Variants in CCDC13 observed in about 807,000 individuals in gnomAD.
CCDC13 encodes the protein coiled-coil domain-containing protein 13.
A neutral mutation model predicts 87.3 loss-of-function variants in CCDC13; 70 were observed. The observed-to-expected ratio is 0.80, with a 90% CI of 0.66 to 0.98. The LOEUF (loss-of-function observed/expected upper bound fraction) is 0.98. CCDC13 is among the 50% of genes least tolerant of loss of function. The probability of loss-of-function intolerance (pLI) is 0.00; values close to 1 mark genes in which losing one functional copy is unlikely to be tolerated. For missense variants in CCDC13, 842 were observed against 892.0 expected, an observed-to-expected ratio of 0.94 and a Z score of 0.71; for synonymous variants, 317 against 360.3, an observed-to-expected ratio of 0.88 and a Z score of 1.36.
rs186586657 is a variant in CCDC13 at position 42,708,509 on chromosome 3, G to A, written c.*471C>T. ...CCCCAAGTCTGTGTAGGGTGTGGAC[G>A]GCTACAGATGGAGCCGGGATGGGGG... On this transcript the variant is annotated 3_prime_UTR_variant, in exon 16 of 16. Transcript: ENST00000310232. 1.9e-5 allele frequency: 3 copies of A among 154,042 alleles called. No homozygotes were observed. Among genetic ancestry groups the A allele is most frequent in the Non-Finnish European group, 2.9e-5 (2 of 69,360 alleles). The allele number at this position is 154,042 out of a possible 1,614,324, so 9.5% of individuals were successfully genotyped here. A position where few individuals can be genotyped will look rare whatever the true frequency, so the allele number is the denominator to read the frequency against.
chr3:42,755,645 A>T (rs1699687371), intron 3 of CCDC13, among the ~76,000 whole-genome samples: 1 of 152,188 alleles, frequency 6.6e-6, no homozygotes, highest in Non-Finnish European at 1.5e-5. Flanking sequence ...GGCTTGTCAG[A>T]TTTTCTCTCC....
At position 42,758,232 on chromosome 3, in the gene CCDC13, C is replaced by T. The variant is rs1337041698; in HGVS notation, c.114G>A (p.Leu38=). ...GGTCGTCAGCTCTGCTTTTGAGGCT[C>T]AGTTCTTTTTCCCTCTTTTTCTCCA... ...KQMEKKREKE[L]SLKSRADDQE... The change falls in exon 2 of 16, where the codon CTG becomes CTA. Residue 38 remains leucine, a synonymous_variant. Coordinates refer to ENST00000310232, the MANE Select transcript of CCDC13 (RefSeq NM_144719.4). 5 of 1,614,018 alleles carry T rather than the reference C, an allele frequency of 3.1e-6. No individual in the cohort carries two copies. The highest frequency in any genetic ancestry group is 1.3e-5 in the African/African-American group (1 of 75,058).
chr3:42,744,724 G>A (rs1699340683), intron 7 of CCDC13, among the ~76,000 whole-genome samples: 1 of 141,972 alleles, frequency 7.0e-6, no homozygotes. Context: ...AGAATGGCGT[G>A]AACCCGGGAG....
intron 7 of CCDC13, 125 bp from the exon 8 acceptor site, chr3:42,743,182 ATC>A: frequency 1.9e-6 from 2 of 1,049,610 alleles, no homozygotes; most frequent in Non-Finnish European, 2.8e-6. Context: ...TGGTAGCCCC[ATC>A]TGAGGAGGAC....
chr3:42,752,006 C>T lies in CCDC13; in HGVS notation c.533G>A (p.Arg178Lys). 6.2e-7 allele frequency: 1 copy of T among 1,607,698 alleles called. No homozygotes were observed. Among genetic ancestry groups the T allele is most frequent in the South Asian group, 1.1e-5 (1 of 91,090 alleles). ...GTCGGTGGCCCCCTTGGCTGACAGC[C>T]TGGTCAGGGCTGTCTGCAGCTGAAA... Reference protein sequence around the residue: ...LERELQTALTRLSAKGATDAG... With the variant: ...LERELQTALTKLSAKGATDAG... Residue 178 changes from arginine to lysine, a missense_variant, in exon 5 of 16, where the codon AGG (arginine) becomes AAG (lysine). Physicochemically the swap from Arg to Lys is conservative, Grantham distance 26 (BLOSUM62 2). Coordinates refer to ENST00000310232, the MANE Select transcript of CCDC13 (RefSeq NM_144719.4).
chr3:42,762,227 T>G (rs1289934966), intron 1 of CCDC13, among the ~76,000 whole-genome samples: 2 of 152,232 alleles, frequency 1.3e-5, no homozygotes, highest in African/African-American at 4.8e-5. Context: ...GGTGTTATGT[T>G]GAAATTCCTT....
At chr3:42,750,081 C>T (rs1422382679) in intron 5 of CCDC13, 4 of 372,020 alleles carry the variant, frequency 1.1e-5, no homozygotes, top group South Asian at 1.9e-5. Context: ...CTGGAACCTC[C>T]CAGGCTCCCT....
At chr3:42,769,589 C>T (rs900561313) in intron 1 of CCDC13, among the ~76,000 whole-genome samples, 4 of 152,288 alleles carry the variant, frequency 2.6e-5, no homozygotes, top group South Asian at 2.1e-4. Context: ...GGCACCTCCT[C>T]GGCCTTGGCG....
intron 1 of CCDC13, among the ~76,000 whole-genome samples, chr3:42,772,024 A>G (rs7620291): frequency 0.95 from 145,151 of 152,028 alleles, 69,672 homozygotes; most frequent in East Asian, 1. Context: ...GTAATCCCAA[A>G]ACTTTGGGAG....
chr3:42,722,295 G>A (rs28858178), intron 13 of CCDC13, among the ~76,000 whole-genome samples: 1,702 of 152,198 alleles, frequency 0.011, 37 homozygotes, highest in African/African-American at 0.039. Context: ...ATGGATCTTC[G>A]TCCCTCTGCA....
At chr3:42,733,329 G>C in intron 11 of CCDC13, 141 bp downstream of exon 11, 1 of 1,038,174 alleles carries the variant, frequency 9.6e-7, no homozygotes, top group Non-Finnish European at 1.5e-6. Flanking sequence ...TGTCATAGGA[G>C]AGGCCCACGT....
At position 42,709,018 on chromosome 3, in the gene CCDC13, G is replaced by A; in HGVS notation, c.2110C>T (p.Leu704=). ...EILGQVKSVF[L]QALRQQKTGK... ...GTCTTCTGCTGCCGCAGGGCCTGCAGGAAGACACTTTTCACCTGGCCCAGG... is the reference window on the plus strand; with the variant it reads ...GTCTTCTGCTGCCGCAGGGCCTGCAAGAAGACACTTTTCACCTGGCCCAGG... Residue 704 remains leucine (L), a synonymous_variant, in exon 16 of 16, where the codon CTG becomes TTG. Coordinates refer to ENST00000310232, the MANE Select transcript of CCDC13 (RefSeq NM_144719.4). 6.2e-7 allele frequency: 1 copy of A among 1,613,832 alleles called. No homozygotes were observed.
chr3:42,710,111 T>TC (rs1359217808), intron 14 of CCDC13, among the ~76,000 whole-genome samples: 1 of 151,010 alleles, frequency 6.6e-6, no homozygotes, highest in African/African-American at 2.4e-5. Context: ...TCTTTTTTTT[T>TC]TCTTTTTTTT....
At chr3:42,758,013 C>T in intron 2 of CCDC13, 112 bp downstream of exon 2, 1 of 855,024 alleles carries the variant, frequency 1.2e-6, no homozygotes, top group South Asian at 1.7e-5. Context: ...TCTAAGCTTC[C>T]TTCTATCACT....
intron 1 of CCDC13, among the ~76,000 whole-genome samples, chr3:42,769,611 G>A (rs1435974065): frequency 1.3e-5 from 2 of 152,272 alleles, no homozygotes; most frequent in African/African-American, 2.4e-5. Flanking sequence ...CCACTCTGGC[G>A]GTGCTTGAGG....
At chr3:42,720,274 C>T (rs931136332) in intron 13 of CCDC13, among the ~76,000 whole-genome samples, 4 of 152,144 alleles carry the variant, frequency 2.6e-5, no homozygotes, top group African/African-American at 2.4e-5. Flanking sequence ...AGGGAATTTA[C>T]GCAAGAAATG....
At chr3:42,755,045 T>G (rs1699674571) in intron 3 of CCDC13, among the ~76,000 whole-genome samples, 1 of 152,070 alleles carries the variant, frequency 6.6e-6, no homozygotes, top group Non-Finnish European at 1.5e-5. Flanking sequence ...TCAATATATA[T>G]AGATATAATA....
rs1214022013 is a variant in CCDC13 at position 42,768,649 on chromosome 3, A to C, written c.-7+4527T>G. On this transcript the variant is annotated intron_variant, in intron 1 of 15. Coordinates refer to ENST00000310232, the MANE Select transcript of CCDC13 (RefSeq NM_144719.4). ...GAGGTGGAGGTTGCAGTAAGCTGAG[A>C]TCACTCCACTGCACTCCAGCCTGGG... Among the ~76,000 whole-genome samples, 4 of 152,104 alleles carry C rather than the reference A, an allele frequency of 2.6e-5. No individual in the cohort carries two copies. The East Asian group carries it at 7.8e-4, about 30-fold the overall frequency.
chr3:42,735,815 G>A lies in CCDC13; in HGVS notation c.1263C>T (p.Ser421=), dbSNP rs757981259. 7.4e-6 allele frequency: 12 copies of A among 1,614,232 alleles called. No homozygotes were observed. Among genetic ancestry groups the A allele is most frequent in the African/African-American group, 1.3e-5 (1 of 75,054 alleles). ...SQHHLDQQLN[S]EAQRSNSLVA... ...CTAGGCTGTTGCTCCGCTGAGCCTCGCTGTTCAGTTGCTGGTCCAGGTGGT... is the reference window on the plus strand; with the variant it reads ...CTAGGCTGTTGCTCCGCTGAGCCTCACTGTTCAGTTGCTGGTCCAGGTGGT... Residue 421 remains serine (S), a synonymous_variant, in exon 10 of 16, where the codon AGC becomes AGT. Transcript: ENST00000310232.
Sources: allele counts gnomAD v4.1 joint callset (sites outside exome capture counted in the v4.1 genomes callset), GRCh38; gene constraint gnomAD v4.1.1; transcripts MANE v1.5; gene names NCBI Gene and HGNC (gene_info 2026-07-23, HGNC 2026-07-21).